Variants in UTRN observed in about 807,000 individuals in gnomAD.
UTRN encodes dystrophin-related protein 1.
Under a neutral mutation model 463.9 loss-of-function variants are expected in UTRN, and 283 were observed. That is an observed-to-expected ratio of 0.61 (90% CI 0.55 to 0.67). The LOEUF (loss-of-function observed/expected upper bound fraction) is 0.67. Ranked by LOEUF, UTRN falls within the 30% of genes least tolerant of loss-of-function variation. The pLI is 0.00. For missense variants in UTRN, 3,922 were observed against 4,084.3 expected (o/e 0.96, Z 1.08); for synonymous variants, 1,442 against 1,431.5 (o/e 1.01, Z -0.17).
At chr6:144,362,491 G>A (rs1779167684) in intron 2 of UTRN, among the ~76,000 whole-genome samples, 1 of 152,204 alleles carries the variant, frequency 6.6e-6, no homozygotes, top group Non-Finnish European at 1.5e-5. Flanking sequence ...ACAAGTGAAT[G>A]TGACCTGGAG....
At chr6:144,407,029 G>C (rs1584651675) in intron 3 of UTRN, among the ~76,000 whole-genome samples, 1 of 151,712 alleles carries the variant, frequency 6.6e-6, no homozygotes, top group Non-Finnish European at 1.5e-5. Flanking sequence ...GCTTGTCTGA[G>C]CTTAAATGTT....
At chr6:144,413,530 C>A (rs560782206) in intron 3 of UTRN, among the ~76,000 whole-genome samples, 1 of 152,210 alleles carries the variant, frequency 6.6e-6, no homozygotes, top group South Asian at 2.1e-4. Flanking sequence ...GAGAACAGCA[C>A]AGGAAAGACC....
intron 51 of UTRN, among the ~76,000 whole-genome samples, chr6:144,589,268 A>G (rs1048846827): frequency 2.0e-5 from 3 of 152,234 alleles, no homozygotes; most frequent in Admixed American, 6.5e-5. Flanking sequence ...TGATGGGAAA[A>G]TATCTTGATA....
chr6:144,850,330 A>G (rs1782380805), intron 74 of UTRN, among the ~76,000 whole-genome samples: 1 of 152,182 alleles, frequency 6.6e-6, no homozygotes, highest in Non-Finnish European at 1.5e-5. Flanking sequence ...ATCTTTCCTG[A>G]GGGTCCAGAA....
At chr6:144,802,137 AAAG>A (rs1256996802) in intron 64 of UTRN, among the ~76,000 whole-genome samples, 2 of 152,228 alleles carry the variant, frequency 1.3e-5, no homozygotes, top group Non-Finnish European at 2.9e-5. Context: ...TTTCATTTAG[AAAG>A]AAGATGTCAG....
chr6:144,518,160 C>T (rs958953173), intron 39 of UTRN, among the ~76,000 whole-genome samples: 3 of 152,132 alleles, frequency 2.0e-5, no homozygotes, highest in Admixed American at 1.3e-4. Flanking sequence ...TGATTTTCTC[C>T]CATGATATTA....
chr6:144,637,338 C>A (rs532026186), intron 51 of UTRN, among the ~76,000 whole-genome samples: 11 of 152,214 alleles, frequency 7.2e-5, no homozygotes, highest in Middle Eastern at 3.4e-3. Context: ...CCTTACGTTA[C>A]TCTGCCCTGT....
rs537367697 is a variant in UTRN at position 144,327,214 on chromosome 6, G to A, written c.79+35307G>A. ...AAGGAGAGGGGAAATGGGAGGAGGA[G>A]AAGGAGGAGGGGTGCCAGGATCATT... On this transcript the variant is annotated intron_variant, in intron 2 of 74. Coordinates refer to ENST00000367545, the MANE Select transcript of UTRN (RefSeq NM_007124.3). 6.6e-5 allele frequency among the ~76,000 whole-genome samples: 10 copies of A among 152,256 alleles called. No homozygotes were observed. The South Asian group carries it at 1.9e-3, about 28-fold the overall frequency.
chr6:144,398,477 A>G (rs1310658006), intron 2 of UTRN: 16 of 367,434 alleles, frequency 4.4e-5, no homozygotes, highest in Admixed American at 3.9e-4. Flanking sequence ...TTTCCCTCCA[A>G]TTATTGGTTA....
chr6:144,805,703 A>T lies in UTRN; in HGVS notation c.9357+2556A>T, dbSNP rs575181836. 1.9e-3 allele frequency among the ~76,000 whole-genome samples: 285 copies of T among 152,288 alleles called. 1 individual carries two copies. The highest frequency in any genetic ancestry group is 2.5e-3 in the Non-Finnish European group (169 of 68,026). On this transcript the variant is annotated intron_variant, in intron 65 of 74. Coordinates refer to ENST00000367545, the MANE Select transcript of UTRN (RefSeq NM_007124.3). ...CATCAGAGGAGTAAATGAAGTTCAA[A>T]GCCCTTCTGATTGTAGGGCCCTGTA...
chr6:144,583,326 A>G, intron 51 of UTRN: 1 of 439,588 alleles, frequency 2.3e-6, no homozygotes, highest in Middle Eastern at 3.0e-4. Flanking sequence ...TTGAAGGAAT[A>G]CCAGCCTCCT....
chr6:144,387,677 T>A (rs1781533080), intron 2 of UTRN, among the ~76,000 whole-genome samples: 1 of 152,148 alleles, frequency 6.6e-6, no homozygotes, highest in Admixed American at 6.5e-5. Flanking sequence ...CAGGTGCAAA[T>A]AAAGCAATGT....
chr6:144,587,187 T>G (rs1802545966), intron 51 of UTRN, among the ~76,000 whole-genome samples: 1 of 152,214 alleles, frequency 6.6e-6, no homozygotes. Flanking sequence ...CTATGGCTAT[T>G]CTTAGCCTGG....
chr6:144,344,897 T>G (rs1320464674), intron 2 of UTRN, among the ~76,000 whole-genome samples: 3 of 152,208 alleles, frequency 2.0e-5, no homozygotes, highest in Non-Finnish European at 4.4e-5. Context: ...CGTGCACTTT[T>G]CTCTCGCTGA....
chr6:144,788,813 T>G (rs1187956067), intron 61 of UTRN, among the ~76,000 whole-genome samples: 1 of 152,220 alleles, frequency 6.6e-6, no homozygotes, highest in Non-Finnish European at 1.5e-5. Flanking sequence ...TCCGCCTGCC[T>G]TGGCCTCCCA....
intron 27 of UTRN, among the ~76,000 whole-genome samples, chr6:144,484,432 C>CTTTTTTTTT (rs765122659): frequency 1.5e-5 from 1 of 66,254 alleles, no homozygotes; most frequent in Non-Finnish European, 2.7e-5. Context: ...AAAAACCAAA[C>CTTTTTTTTT]TTTTTTTTTT....
intron 51 of UTRN, among the ~76,000 whole-genome samples, chr6:144,626,789 G>A (rs1388970230): frequency 2.6e-5 from 4 of 152,112 alleles, no homozygotes; most frequent in South Asian, 2.1e-4. Flanking sequence ...ACAGGCAAGC[G>A]CCACCACGCC....
At chr6:144,717,533 A>G (rs1786603711) in intron 53 of UTRN, among the ~76,000 whole-genome samples, 1 of 151,796 alleles carries the variant, frequency 6.6e-6, no homozygotes, top group Admixed American at 6.6e-5. Context: ...CTAAACTGAT[A>G]TGAGTCTTGC....
intron 54 of UTRN, among the ~76,000 whole-genome samples, chr6:144,741,173 C>T (rs1586322128): frequency 6.6e-6 from 1 of 152,264 alleles, no homozygotes; most frequent in South Asian, 2.1e-4. Flanking sequence ...CAATTAAACT[C>T]ATCACTTATT....
Sources: allele counts gnomAD v4.1 joint callset (sites outside exome capture counted in the v4.1 genomes callset), GRCh38; gene constraint gnomAD v4.1.1; transcripts MANE v1.5; gene names NCBI Gene and HGNC (gene_info 2026-07-23, HGNC 2026-07-21).